PSKH1: variants seen among roughly 807,000 people sequenced by gnomAD.
PSKH1 encodes serine/threonine-protein kinase H1.
Under a neutral mutation model 26.7 loss-of-function variants are expected in PSKH1, and 12 were observed. That is an observed-to-expected ratio of 0.45 (90% CI 0.29 to 0.73). The LOEUF (loss-of-function observed/expected upper bound fraction) is 0.73, where lower values mean the gene tolerates loss of function less well. Among genes scored for constraint, PSKH1 ranks in the 30% least tolerant of loss-of-function variants. The pLI is 0.11. For missense variants in PSKH1, 431 were observed against 595.2 expected (o/e 0.72, Z 2.87); for synonymous variants, 213 against 234.3 (o/e 0.91, Z 0.83).
chr16:67,908,483 G>C (rs976562491), intron 1 of PSKH1, among the ~76,000 whole-genome samples, 197 bp from the exon 2 acceptor site: 1 of 152,164 alleles, frequency 6.6e-6, no homozygotes, highest in Non-Finnish European at 1.5e-5. Flanking sequence ...TTGGCCAGCT[G>C]GTCTTGAACT....
chr16:67,899,676 C>T (rs2058136587), intron 1 of PSKH1, among the ~76,000 whole-genome samples: 1 of 149,954 alleles, frequency 6.7e-6, no homozygotes, highest in South Asian at 2.1e-4. Flanking sequence ...GAGATGGAGT[C>T]CTGCTCTGTT....
intron 1 of PSKH1, among the ~76,000 whole-genome samples, chr16:67,897,033 C>A (rs973848137): frequency 1.3e-5 from 2 of 152,122 alleles, no homozygotes; most frequent in Non-Finnish European, 2.9e-5. Context: ...GTAATATGGG[C>A]AACTTAGGTC....
In PSKH1 at chr16:67,909,787, T is replaced by C. The variant is rs1318450173; in HGVS notation, c.957+81T>C. On this transcript the variant is annotated intron_variant, in intron 2 of 2. Coordinates refer to ENST00000291041, the MANE Select transcript of PSKH1 (RefSeq NM_006742.3). This position sits in a 1 kb window ranked among gnomAD's most constrained non-coding sequence, Gnocchi z 7.8. ...ATATCCTGCAGCTCTCAGTCAGAGG[T>C]ATGTCCTCAGGGCCATGCTCGTGAG... 1.5e-6 allele frequency: 2 copies of C among 1,329,114 alleles called. No homozygotes were observed. The highest frequency in any genetic ancestry group is 4.9e-5 in the East Asian group (2 of 40,934). The allele number at this position is 1,329,114 out of a possible 1,614,324, so 82.3% of individuals were successfully genotyped here.
At chr16:67,895,959 G>A (rs2058125194) in intron 1 of PSKH1, among the ~76,000 whole-genome samples, 1 of 152,080 alleles carries the variant, frequency 6.6e-6, no homozygotes, top group Non-Finnish European at 1.5e-5. Context: ...AGGAATCATC[G>A]TGCCTACTAC....
At chr16:67,896,464 A>G (rs1046974839) in intron 1 of PSKH1, among the ~76,000 whole-genome samples, 13 of 151,344 alleles carry the variant, frequency 8.6e-5, no homozygotes, top group African/African-American at 3.2e-4. Flanking sequence ...GTGTGTAGGA[A>G]GCTGCTTTGT....
rs778967004 is a variant in PSKH1 at position 67,927,554 on chromosome 16, G to A, written c.1187G>A (p.Arg396His). ...TKSAQSTRSS[R>H]STRSNKSRRV... ...TCTGCCCAGTCCACGCGTTCCAGCC[G>A]CTCCACACGCTCCAATAAGTCACGC... is the stretch of plus-strand genomic sequence containing the variant. The change falls in exon 3 of 3, where the codon CGC becomes CAC. Residue 396 changes from arginine to histidine, a missense_variant. Arg to His is a conservative substitution (Grantham distance 29). Coordinates refer to ENST00000291041, the MANE Select transcript of PSKH1 (RefSeq NM_006742.3). This position sits in a 1 kb window ranked among gnomAD's most constrained non-coding sequence, Gnocchi z 5.5. The A allele has an allele frequency of 4.7e-5, 76 of 1,613,730 alleles. No individual in the cohort carries two copies. The highest frequency in any genetic ancestry group is 5.8e-5 in the Non-Finnish European group (69 of 1,180,044).
In PSKH1 at chr16:67,927,967, T is replaced by G; in HGVS notation, c.*325T>G. On this transcript the variant is annotated 3_prime_UTR_variant, in exon 3 of 3. Transcript: ENST00000291041. This position sits in a 1 kb window ranked among gnomAD's most constrained non-coding sequence, Gnocchi z 5.5. Reference sequence around the variant, plus strand: ...CTGGCCTTCACTGTCTCCCTTGCCCTTTGACTTTTCCCCAATCAAAGGGAA... The same window carrying G: ...CTGGCCTTCACTGTCTCCCTTGCCCGTTGACTTTTCCCCAATCAAAGGGAA... 2.8e-6 allele frequency: 1 copy of G among 352,870 alleles called. No individual in the cohort carries two copies. The highest frequency in any genetic ancestry group is 4.7e-5 in the South Asian group (1 of 21,326). The allele number at this position is 352,870 out of a possible 1,614,324, so 21.9% of individuals were successfully genotyped here.
chr16:67,921,029 T>C lies in PSKH1; in HGVS notation c.958-6296T>C, dbSNP rs148240639. ...GGCACGGTGGCTCACACCTGTAATCTCAGCCCTTTGGGAGGCCAAGGTGGG... is the reference window on the plus strand; with the variant it reads ...GGCACGGTGGCTCACACCTGTAATCCCAGCCCTTTGGGAGGCCAAGGTGGG... On this transcript the variant is annotated intron_variant, in intron 2 of 2. Coordinates refer to ENST00000291041, the MANE Select transcript of PSKH1 (RefSeq NM_006742.3). Among the ~76,000 whole-genome samples the C allele has an allele frequency of 2.7e-3, 399 of 150,504 alleles. 10 individuals are homozygous for C. In the East Asian group the frequency reaches 0.06, roughly 23 times the overall value.
intron 1 of PSKH1, among the ~76,000 whole-genome samples, chr16:67,896,699 C>G (rs1201504076): frequency 6.6e-6 from 1 of 152,030 alleles, no homozygotes; most frequent in Non-Finnish European, 1.5e-5. Flanking sequence ...AGGGTCGATT[C>G]AGTTGGCCAT....
intron 2 of PSKH1, among the ~76,000 whole-genome samples, chr16:67,923,264 C>T (rs556373476): frequency 2.4e-4 from 37 of 152,246 alleles, no homozygotes; most frequent in Admixed American, 1.8e-3. Flanking sequence ...GCTGTTCCAA[C>T]ATCAGGAGCA....
At chr16:67,921,342 G>A (rs890651512) in intron 2 of PSKH1, among the ~76,000 whole-genome samples, 13 of 152,022 alleles carry the variant, frequency 8.6e-5, no homozygotes, top group South Asian at 4.1e-4. Context: ...TTGGGAGGCC[G>A]AGGCGGGCAG....
chr16:67,916,758 A>T (rs924848430), intron 2 of PSKH1, among the ~76,000 whole-genome samples: 1 of 152,140 alleles, frequency 6.6e-6, no homozygotes, highest in Non-Finnish European at 1.5e-5. Context: ...TGGGATCCAC[A>T]TGGCATATGT....
chr16:67,920,998 A>G (rs59062759), intron 2 of PSKH1, among the ~76,000 whole-genome samples: 5,676 of 149,286 alleles, frequency 0.038, 345 homozygotes, highest in African/African-American at 0.13. Context: ...AAAAAAAAAA[A>G]GGCTGGGCAC....
chr16:67,927,446 C>T lies in PSKH1; in HGVS notation c.1079C>T (p.Ala360Val), dbSNP rs1273563995. Residue 360 changes from alanine (A) to valine (V), a missense_variant, in exon 3 of 3, where the codon GCC becomes GTC. By Grantham distance (64) the Ala-to-Val change is moderately conservative. Transcript: ENST00000291041. The surrounding 1 kb of genome is among the most constrained non-coding windows in gnomAD (Gnocchi z 5.5). ...CACCCGTGGGTGGTGAGCATGGCTG[C>T]CTCTTCATCCATGAAGAACCTGCAC... ...LRHPWVVSMA[A>V]SSSMKNLHRS... 6.2e-7 allele frequency: 1 copy of T among 1,614,230 alleles called. No homozygotes were observed. Among genetic ancestry groups the T allele is most frequent in the Non-Finnish European group, 8.5e-7 (1 of 1,180,038 alleles).
chr16:67,923,908 T>G (rs2058209719), intron 2 of PSKH1, among the ~76,000 whole-genome samples: 1 of 152,224 alleles, frequency 6.6e-6, no homozygotes, highest in Non-Finnish European at 1.5e-5. Flanking sequence ...TGGGTTGGGC[T>G]GCTGGCGTTG....
intron 2 of PSKH1, among the ~76,000 whole-genome samples, chr16:67,922,159 T>C (rs1027052442): frequency 6.6e-6 from 1 of 152,126 alleles, no homozygotes; most frequent in Non-Finnish European, 1.5e-5. Context: ...GATGGGTTTT[T>C]GACCACAGGA....
chr16:67,905,525 C>T (rs1168100232), intron 1 of PSKH1, among the ~76,000 whole-genome samples: 2 of 152,218 alleles, frequency 1.3e-5, no homozygotes, highest in African/African-American at 4.8e-5. Context: ...ACATTATATA[C>T]TATTGGTTCT....
intron 2 of PSKH1, among the ~76,000 whole-genome samples, chr16:67,911,575 G>A (rs952102097): frequency 6.6e-6 from 1 of 152,138 alleles, no homozygotes; most frequent in East Asian, 1.9e-4. Flanking sequence ...CCAGCTACTC[G>A]GGAGGCTGAG....
intron 1 of PSKH1, among the ~76,000 whole-genome samples, chr16:67,894,068 C>T (rs2058119512): frequency 6.6e-6 from 1 of 152,242 alleles, no homozygotes; most frequent in Admixed American, 6.5e-5. Flanking sequence ...AGCCAATCAA[C>T]ACCGGAGCAC....
Sources: gnomAD v4.1 joint callset for allele counts (sites outside exome capture counted in the v4.1 genomes callset) on GRCh38, gnomAD v4.1.1 for gene constraint, Gnocchi (gnomAD v3.1) non-coding constraint, MANE v1.5 for transcripts, NCBI Gene and HGNC (gene_info 2026-07-23, HGNC 2026-07-21) for gene names.